DNAJC15: variants seen among roughly 807,000 people sequenced by gnomAD.
The protein encoded by DNAJC15 is DnaJ heat shock protein family (Hsp40) member C15.
DNAJC15 carries 27 observed loss-of-function variants against 22.4 expected under a neutral mutation model. The observed-to-expected ratio is 1.20, with a 90% confidence interval of 0.89 to 1.66. The LOEUF (loss-of-function observed/expected upper bound fraction) is 1.66, where lower values mean the gene tolerates loss of function less well. Ranked by LOEUF, DNAJC15 falls within the 40% of genes most tolerant of loss-of-function variation. DNAJC15 has a pLI of 0.00. For missense variants in DNAJC15, 208 were observed against 187.1 expected (o/e 1.11, Z -0.65); for synonymous variants, 79 against 63.2 (o/e 1.25, Z -1.19).
At chr13:43,042,139 T>TA (rs1386991239) in intron 1 of DNAJC15, among the ~76,000 whole-genome samples, 5 of 152,352 alleles carry the variant, frequency 3.3e-5, no homozygotes, top group South Asian at 2.1e-4. Context: ...ACCCTACAGA[T>TA]ACAGTATTGT....
At chr13:43,064,869 T>C (rs1311324251) in intron 1 of DNAJC15, among the ~76,000 whole-genome samples, 1 of 152,102 alleles carries the variant, frequency 6.6e-6, no homozygotes, top group Non-Finnish European at 1.5e-5. Context: ...CTACTCTGGT[T>C]GTATCTTACG....
At chr13:43,047,772 A>G (rs904570973) in intron 1 of DNAJC15, among the ~76,000 whole-genome samples, 1 of 152,170 alleles carries the variant, frequency 6.6e-6, no homozygotes, top group Non-Finnish European at 1.5e-5. Flanking sequence ...TGCTTGCTGC[A>G]TGGATGAAAA....
At chr13:43,096,340 A>C (rs2040739312) in intron 5 of DNAJC15, among the ~76,000 whole-genome samples, 2 of 152,206 alleles carry the variant, frequency 1.3e-5, no homozygotes, top group South Asian at 4.1e-4. Flanking sequence ...ATATTACTGC[A>C]ATCCTCTATT....
At chr13:43,095,445 T>C (rs1185263747) in intron 5 of DNAJC15, among the ~76,000 whole-genome samples, 3 of 152,154 alleles carry the variant, frequency 2.0e-5, no homozygotes, top group Non-Finnish European at 4.4e-5. Flanking sequence ...CAGTAGATTG[T>C]CCAAGTGGAA....
intron 1 of DNAJC15, among the ~76,000 whole-genome samples, chr13:43,057,730 C>T (rs536673143): frequency 3.1e-4 from 47 of 152,120 alleles, no homozygotes; most frequent in Non-Finnish European, 4.6e-4. Flanking sequence ...GGGTAGACTA[C>T]GTCAGAGGAA....
chr13:43,075,407 T>C (rs1331601822), intron 3 of DNAJC15, among the ~76,000 whole-genome samples: 3 of 152,214 alleles, frequency 2.0e-5, no homozygotes, highest in Admixed American at 1.3e-4. Context: ...AATTTATCTT[T>C]TTTATTATGC....
At chr13:43,083,893 C>T (rs751522176) in intron 4 of DNAJC15, among the ~76,000 whole-genome samples, 2 of 152,068 alleles carry the variant, frequency 1.3e-5, no homozygotes, top group South Asian at 2.1e-4. Flanking sequence ...ACTCTTAAGT[C>T]CTTATAGGAA....
In DNAJC15 at chr13:43,025,764, C is replaced by G. The variant is rs185283335; in HGVS notation, c.108+2030C>G. Among the ~76,000 whole-genome samples, 71 of 152,200 alleles carry G rather than the reference C, an allele frequency of 4.7e-4. 1 individual carries two copies. Among genetic ancestry groups the G allele is most frequent in the African/African-American group, 1.7e-3 (69 of 41,540 alleles). On this transcript the variant is annotated intron_variant, in intron 1 of 5. Transcript: ENST00000379221. Reference sequence around the variant, plus strand: ...ACTAAAAATACAAAAATTAGCTGGGCATGGTAGCACAAGTCTGTAATTCCA... The same window carrying G: ...ACTAAAAATACAAAAATTAGCTGGGGATGGTAGCACAAGTCTGTAATTCCA...
intron 5 of DNAJC15, among the ~76,000 whole-genome samples, chr13:43,101,337 T>C (rs2040767937): frequency 6.6e-6 from 1 of 152,206 alleles, no homozygotes; most frequent in South Asian, 2.1e-4. Context: ...CTGGGTCATG[T>C]TGTAATTTAA....
intron 3 of DNAJC15, among the ~76,000 whole-genome samples, chr13:43,075,829 A>C (rs2040631325): frequency 6.6e-6 from 1 of 151,978 alleles, no homozygotes; most frequent in African/African-American, 2.4e-5. Context: ...CACCCAGCTA[A>C]GTTTTTGTAT....
chr13:43,068,983 G>A lies in DNAJC15; in HGVS notation c.214G>A (p.Ala72Thr). 5 of 1,612,636 alleles carry A rather than the reference G, an allele frequency of 3.1e-6. No individual in the cohort carries two copies. Among genetic ancestry groups the A allele is most frequent in the Non-Finnish European group, 4.2e-6 (5 of 1,179,296 alleles). The change falls in exon 3 of 6, where the codon GCA (alanine) becomes ACA (threonine). Residue 72 changes from alanine to threonine, a missense_variant. Physicochemically the swap from Ala to Thr is moderately conservative, Grantham distance 58 (BLOSUM62 0). Coordinates refer to ENST00000379221, the MANE Select transcript of DNAJC15 (RefSeq NM_013238.3). ...KPLEQVITET[A>T]KKISTPSFSS... ...TCTAGAACAAGTTATCACAGAAACT[G>A]CAAAGAAGATTTCAACTCCTGTAAG...
At chr13:43,070,638 C>G (rs1030871919) in intron 3 of DNAJC15, among the ~76,000 whole-genome samples, 1 of 152,054 alleles carries the variant, frequency 6.6e-6, no homozygotes, top group Admixed American at 6.6e-5. Context: ...GTAAGAGCTT[C>G]CTAGGTGGTG....
chr13:43,031,548 A>G (rs931766639), intron 1 of DNAJC15, among the ~76,000 whole-genome samples: 70 of 152,190 alleles, frequency 4.6e-4, no homozygotes, highest in African/African-American at 1.5e-3. Flanking sequence ...AGTGTAGAGG[A>G]GGAGATGATG....
rs57271276 is a variant in DNAJC15, at chr13:43,051,634, G to GGTGTGTGTGT, written c.109-14033_109-14024dup. Among the ~76,000 whole-genome samples, 397 of 133,134 alleles carry GGTGTGTGTGT rather than the reference G, an allele frequency of 3.0e-3. 1 individual carries two copies. Among genetic ancestry groups the GGTGTGTGTGT allele is most frequent in the African/African-American group, 9.5e-3 (347 of 36,628 alleles). 87.3% of individuals were successfully genotyped at this position (133,134 alleles called of 152,430 possible). A position where few individuals can be genotyped will look rare whatever the true frequency, so the allele number is the denominator to read the frequency against. The stretch of plus-strand genomic sequence containing the variant: ...TTTTTATGGCTGAGTAGTACTTCAT[G>GGTGTGTGTGT]GTGTGTGTGTGTGTGTGTGTGTGTG... On this transcript the variant is annotated intron_variant, in intron 1 of 5. Coordinates refer to ENST00000379221, the MANE Select transcript of DNAJC15 (RefSeq NM_013238.3).
At chr13:43,092,776 T>TCCA (rs1296874844) in intron 5 of DNAJC15, among the ~76,000 whole-genome samples, 2 of 152,116 alleles carry the variant, frequency 1.3e-5, no homozygotes, top group African/African-American at 4.8e-5. Context: ...TAGCTGGACA[T>TCCA]GGTGGCACAT....
intron 4 of DNAJC15, among the ~76,000 whole-genome samples, chr13:43,083,642 T>TC (rs1393740235): frequency 9.2e-5 from 14 of 152,224 alleles, no homozygotes; most frequent in Non-Finnish European, 1.9e-4. Context: ...TAAATGTAGA[T>TC]TAGCCACAGA....
intron 5 of DNAJC15, among the ~76,000 whole-genome samples, chr13:43,099,394 A>C (rs2040756189): frequency 6.6e-6 from 1 of 152,088 alleles, no homozygotes; most frequent in Non-Finnish European, 1.5e-5. Context: ...ACCTCATTAG[A>C]CTGGCTTGAA....
intron 5 of DNAJC15, among the ~76,000 whole-genome samples, chr13:43,095,660 T>G (rs1473906635): frequency 6.6e-6 from 1 of 151,608 alleles, no homozygotes; most frequent in Non-Finnish European, 1.5e-5. Flanking sequence ...GGGGAAATCA[T>G]CAAAGGAGAC....
intron 1 of DNAJC15, among the ~76,000 whole-genome samples, chr13:43,028,636 C>T (rs2040391280): frequency 6.6e-6 from 1 of 152,214 alleles, no homozygotes; most frequent in Non-Finnish European, 1.5e-5. Context: ...TATCCAGCCA[C>T]ATTTCACATC....
Sources: allele counts gnomAD v4.1 joint callset (sites outside exome capture counted in the v4.1 genomes callset), GRCh38; gene constraint gnomAD v4.1.1; transcripts MANE v1.5; gene names NCBI Gene and HGNC (gene_info 2026-07-23, HGNC 2026-07-21).